FRY: variants seen among roughly 807,000 people sequenced by gnomAD.
FRY encodes protein furry homolog.
In FRY, 128 loss-of-function variants were observed where a neutral mutation model predicts 348.4. The observed-to-expected ratio is 0.37, with a 90% CI of 0.32 to 0.43. FRY has a LOEUF of 0.43. Among genes scored for constraint, FRY ranks in the 20% least tolerant of loss-of-function variants. The pLI is 1.00. For missense variants in FRY, 2,736 were observed against 3,695.2 expected (o/e 0.74, Z 6.73); for synonymous variants, 1,370 against 1,374.7 (o/e 1.00, Z 0.08).
rs114701584 is a variant in FRY at position 32,297,030 on chromosome 13, G to A, written c.*1570G>A. 7.4e-4 allele frequency: 112 copies of A among 152,336 alleles called. No individual in the cohort carries two copies. Among genetic ancestry groups the A allele is most frequent in the African/African-American group, 2.6e-3 (110 of 41,560 alleles). 9.4% of individuals were successfully genotyped at this position (152,336 alleles called of 1,614,324 possible). A position where few individuals can be genotyped will look rare whatever the true frequency, so the allele number is the denominator to read the frequency against. On this transcript the variant is annotated 3_prime_UTR_variant, in exon 61 of 61. Transcript: ENST00000542859. ...CACCTATCCCCCAGGAACACAGGGA[G>A]AAACATGTAACAATCTCATTTATGC...
intron 29 of FRY, among the ~76,000 whole-genome samples, chr13:32,196,332 C>G (rs1883675402): frequency 6.6e-6 from 1 of 152,112 alleles, no homozygotes; most frequent in Admixed American, 6.5e-5. Context: ...AGGAATATGA[C>G]AGTTTATAAG....
chr13:32,110,650 C>T (rs962516639), intron 3 of FRY, among the ~76,000 whole-genome samples: 1 of 152,098 alleles, frequency 6.6e-6, no homozygotes, highest in African/African-American at 2.4e-5. Flanking sequence ...CTTCCAGCTA[C>T]ATGCAAATGC....
intron 1 of FRY, among the ~76,000 whole-genome samples, chr13:32,034,673 A>G (rs966915382): frequency 6.6e-6 from 1 of 152,090 alleles, no homozygotes; most frequent in African/African-American, 2.4e-5. Context: ...TTAACCTGGA[A>G]TGCTCCAGTG....
At chr13:32,110,222 G>T (rs556364757) in intron 3 of FRY, among the ~76,000 whole-genome samples, 2 of 152,314 alleles carry the variant, frequency 1.3e-5, no homozygotes, top group African/African-American at 4.8e-5. Context: ...AAAGCAGCGT[G>T]CTAGAACATA....
chr13:32,047,109 A>T lies in FRY; in HGVS notation c.70+15244A>T, dbSNP rs114385542. Among the ~76,000 whole-genome samples the T allele has an allele frequency of 5.3e-3, 810 of 152,342 alleles. 9 individuals are homozygous for T. Among genetic ancestry groups the T allele is most frequent in the African/African-American group, 0.018 (768 of 41,570 alleles). Reference sequence around the variant, plus strand: ...TATATCTCTTTAAATAAATATGTTTATCTATATATACCTACTCCTAGAGCC... The same window carrying T: ...TATATCTCTTTAAATAAATATGTTTTTCTATATATACCTACTCCTAGAGCC... On this transcript the variant is annotated intron_variant, in intron 1 of 60. Coordinates refer to ENST00000542859, the MANE Select transcript of FRY (RefSeq NM_023037.3).
At chr13:32,142,703 C>A (rs779879788) in intron 11 of FRY, among the ~76,000 whole-genome samples, 1 of 152,144 alleles carries the variant, frequency 6.6e-6, no homozygotes, top group Non-Finnish European at 1.5e-5. Context: ...TCATATAGGT[C>A]CTGTACAAAT....
At chr13:32,053,799 G>A (rs1873472109) in intron 1 of FRY, among the ~76,000 whole-genome samples, 1 of 152,176 alleles carries the variant, frequency 6.6e-6, no homozygotes, top group Admixed American at 6.5e-5. Context: ...TCCTTCTTGG[G>A]TAGAACAGGT....
intron 14 of FRY, 46 bp from the exon 15 acceptor site, chr13:32,155,445 A>G (rs1055794941): frequency 2.2e-6 from 3 of 1,393,244 alleles, no homozygotes; most frequent in Non-Finnish European, 3.1e-6. Context: ...ATTCCACTAC[A>G]ATAATTGGGC....
intron 17 of FRY, among the ~76,000 whole-genome samples, chr13:32,167,687 G>A (rs143098141): frequency 1.7e-3 from 257 of 152,298 alleles, no homozygotes; most frequent in African/African-American, 5.8e-3. Context: ...TTTATGTAGT[G>A]TCTGCAATTC....
chr13:32,149,085 TTATA>T (rs1324901521), intron 13 of FRY, among the ~76,000 whole-genome samples: 1 of 148,236 alleles, frequency 6.7e-6, no homozygotes, highest in Non-Finnish European at 1.5e-5. Flanking sequence ...TATATAAAAA[TTATA>T]TATATTAATT....
intron 17 of FRY, among the ~76,000 whole-genome samples, chr13:32,163,048 T>C (rs769915773): frequency 6.6e-6 from 1 of 152,024 alleles, no homozygotes; most frequent in Non-Finnish European, 1.5e-5. Context: ...GGGTCATCCA[T>C]GCTAATATTG....
chr13:32,131,062 C>A (rs1037886110), intron 7 of FRY, among the ~76,000 whole-genome samples: 2 of 152,264 alleles, frequency 1.3e-5, no homozygotes, highest in South Asian at 4.2e-4. Context: ...GTGATCTGCC[C>A]GCATCGGCCT....
chr13:32,150,054 A>G (rs1253306002), intron 14 of FRY, among the ~76,000 whole-genome samples: 2 of 152,226 alleles, frequency 1.3e-5, no homozygotes, highest in Non-Finnish European at 2.9e-5. Flanking sequence ...ATGTGCTACC[A>G]TATTCTGTTC....
chr13:32,146,390 G>A (rs545576044), intron 11 of FRY, among the ~76,000 whole-genome samples: 14 of 152,212 alleles, frequency 9.2e-5, no homozygotes, highest in South Asian at 4.1e-4. Flanking sequence ...AGGCTGGAGC[G>A]CAGTGGCGCC....
rs59868663 is a variant in FRY at position 32,124,208 on chromosome 13, G to A, written c.465-78G>A. On this transcript the variant is annotated intron_variant, in intron 4 of 60. Coordinates refer to ENST00000542859, the MANE Select transcript of FRY (RefSeq NM_023037.3). ...GGGTTTTGCAGTCTATTAGGGAGGAGTCCTAGATTTTTTATGAATTGTATT... is the reference window on the plus strand; with the variant it reads ...GGGTTTTGCAGTCTATTAGGGAGGAATCCTAGATTTTTTATGAATTGTATT... 2.4e-3 allele frequency: 2,097 copies of A among 865,626 alleles called. 33 individuals are homozygous for A. In the African/African-American group the frequency reaches 0.031, roughly 13 times the overall value. The allele number at this position is 865,626 out of a possible 1,614,324, so 53.6% of individuals were successfully genotyped here. A position where few individuals can be genotyped will look rare whatever the true frequency, so the allele number is the denominator to read the frequency against.
chr13:32,181,689 T>C (rs1033997032), intron 23 of FRY, among the ~76,000 whole-genome samples: 8 of 151,870 alleles, frequency 5.3e-5, no homozygotes, highest in Admixed American at 4.6e-4. Flanking sequence ...TATATAGACC[T>C]CTAAATACTT....
intron 51 of FRY, 28 bp from the exon 52 acceptor site, chr13:32,261,588 A>G: frequency 6.2e-7 from 1 of 1,602,786 alleles, no homozygotes; most frequent in Non-Finnish European, 8.5e-7. Context: ...ATTTTGGCAT[A>G]AAAAACCGGC....
intron 35 of FRY, among the ~76,000 whole-genome samples, chr13:32,214,303 G>C (rs1566138689): frequency 6.6e-6 from 1 of 152,148 alleles, no homozygotes; most frequent in Non-Finnish European, 1.5e-5. Context: ...TTAATTCCTA[G>C]AGAACACAGA....
chr13:32,076,856 C>T (rs538033821), intron 1 of FRY, among the ~76,000 whole-genome samples: 1 of 152,228 alleles, frequency 6.6e-6, no homozygotes, highest in East Asian at 1.9e-4. Context: ...AGACAAAAAC[C>T]TTGTCTCCAA....
Sources: gnomAD v4.1 joint callset for allele counts (sites outside exome capture counted in the v4.1 genomes callset) on GRCh38, gnomAD v4.1.1 for gene constraint, MANE v1.5 for transcripts, NCBI Gene and HGNC (gene_info 2026-07-23, HGNC 2026-07-21) for gene names.